TFDP2: variants seen among roughly 807,000 people sequenced by gnomAD.
TFDP2 encodes the protein transcription factor Dp-2.
TFDP2 carries 17 observed loss-of-function variants against 59.3 expected under a neutral mutation model. The ratio of observed to expected loss-of-function variants is 0.29; its 90% CI spans 0.20 to 0.43. TFDP2 has a LOEUF of 0.43. Among genes scored for constraint, TFDP2 ranks in the 20% least tolerant of loss-of-function variants. TFDP2 has a pLI of 1.00. For missense variants in TFDP2, 391 were observed against 528.8 expected (o/e 0.74, Z 2.56); for synonymous variants, 180 against 194.7 (o/e 0.92, Z 0.63).
chr3:142,020,219 G>A (rs1945477746), intron 3 of TFDP2, among the ~76,000 whole-genome samples: 1 of 152,036 alleles, frequency 6.6e-6, no homozygotes, highest in South Asian at 2.1e-4. Flanking sequence ...TGACTCAGGG[G>A]ATATCTATCA....
chr3:142,146,726 A>G (rs906304414), intron 1 of TFDP2, among the ~76,000 whole-genome samples: 1 of 152,202 alleles, frequency 6.6e-6, no homozygotes, highest in African/African-American at 2.4e-5. Context: ...TGGATGAACT[A>G]AACAAATCCA....
intron 3 of TFDP2, among the ~76,000 whole-genome samples, chr3:142,085,668 T>C (rs1289932628): frequency 6.6e-6 from 1 of 152,290 alleles, no homozygotes; most frequent in African/African-American, 2.4e-5. Flanking sequence ...CAAGGGAAGC[T>C]GGAAACAGTT....
At chr3:142,127,364 T>C (rs2062313686) in intron 1 of TFDP2, among the ~76,000 whole-genome samples, 1 of 147,548 alleles carries the variant, frequency 6.8e-6, no homozygotes, top group Admixed American at 7.0e-5. Context: ...TGCAGTGCAG[T>C]GGCAAGATCT....
chr3:141,989,263 C>T (rs568250852), intron 6 of TFDP2: 1 of 152,222 alleles, frequency 6.6e-6, no homozygotes, highest in South Asian at 2.1e-4. Context: ...GCTTGTTTTC[C>T]TAAGAAGGTT....
intron 3 of TFDP2, among the ~76,000 whole-genome samples, chr3:142,064,696 T>C (rs1306140491): frequency 2.0e-5 from 3 of 152,132 alleles, no homozygotes; most frequent in African/African-American, 7.2e-5. Flanking sequence ...AATACACAAG[T>C]GTCACTGGAT....
At chr3:141,991,289 G>A (rs903028815) in intron 6 of TFDP2, among the ~76,000 whole-genome samples, 3 of 151,930 alleles carry the variant, frequency 2.0e-5, no homozygotes, top group African/African-American at 4.8e-5. Flanking sequence ...GTATAGTATT[G>A]TATCTCAAGT....
At chr3:142,094,549 C>T (rs1051275231) in intron 2 of TFDP2, among the ~76,000 whole-genome samples, 4 of 152,036 alleles carry the variant, frequency 2.6e-5, no homozygotes, top group Admixed American at 2.0e-4. Flanking sequence ...AAGTGATCTG[C>T]CCACCGTAGC....
At chr3:141,956,829 G>T (rs12637444) in intron 11 of TFDP2, among the ~76,000 whole-genome samples, 94,466 of 150,464 alleles carry the variant, frequency 0.63, 30,494 homozygotes, top group East Asian at 0.74. Context: ...GGAGGCTGAG[G>T]TGGGTGGATC....
At chr3:142,001,499 G>A (rs559441132) in intron 4 of TFDP2, among the ~76,000 whole-genome samples, 1 of 152,170 alleles carries the variant, frequency 6.6e-6, no homozygotes, top group South Asian at 2.1e-4. Flanking sequence ...AATGCTATGG[G>A]TTTATTCTTC....
chr3:142,099,040 CAG>C (rs2061246942), intron 2 of TFDP2, among the ~76,000 whole-genome samples: 2 of 152,182 alleles, frequency 1.3e-5, no homozygotes, highest in African/African-American at 2.4e-5. Context: ...CTGTTGTCAT[CAG>C]AGACATGTAA....
intron 1 of TFDP2, among the ~76,000 whole-genome samples, chr3:142,142,600 C>A (rs1442800368): frequency 6.6e-6 from 1 of 152,152 alleles, no homozygotes; most frequent in Non-Finnish European, 1.5e-5. Flanking sequence ...ATAGAAAAAA[C>A]CATCCTAAGA....
intron 3 of TFDP2, among the ~76,000 whole-genome samples, chr3:142,051,601 T>C (rs748419798): frequency 2.0e-5 from 3 of 151,766 alleles, no homozygotes; most frequent in Non-Finnish European, 4.4e-5. Flanking sequence ...ACCACTGAGC[T>C]ACCAAGAGAG....
chr3:142,017,416 T>A (rs34280182), intron 3 of TFDP2, among the ~76,000 whole-genome samples: 24,680 of 152,144 alleles, frequency 0.16, 2,160 homozygotes, highest in Middle Eastern at 0.23. Context: ...GAGTGTACAG[T>A]GAAAACTGAG....
intron 3 of TFDP2, among the ~76,000 whole-genome samples, chr3:142,051,163 T>C (rs1027606557): frequency 2.6e-5 from 4 of 152,182 alleles, no homozygotes; most frequent in East Asian, 1.9e-4. Context: ...CTCCTGCGCA[T>C]TGCAGAATCT....
intron 3 of TFDP2, among the ~76,000 whole-genome samples, chr3:142,055,771 T>C (rs951065084): frequency 6.6e-6 from 1 of 152,086 alleles, no homozygotes; most frequent in Non-Finnish European, 1.5e-5. Flanking sequence ...AGCTTATATA[T>C]AAAGTGATAA....
At chr3:142,058,854 C>A (rs1576865124) in intron 3 of TFDP2, among the ~76,000 whole-genome samples, 1 of 152,190 alleles carries the variant, frequency 6.6e-6, no homozygotes, top group East Asian at 1.9e-4. Context: ...TAAATCATGG[C>A]CATTGGTAAT....
chr3:142,132,319 G>GTAAC (rs1167194082), intron 1 of TFDP2, among the ~76,000 whole-genome samples: 1 of 150,196 alleles, frequency 6.7e-6, no homozygotes, highest in Non-Finnish European at 1.5e-5. Context: ...GGGATGGGAA[G>GTAAC]TAACTGCTAA....
intron 3 of TFDP2, among the ~76,000 whole-genome samples, chr3:142,064,254 G>A (rs1560104204): frequency 2.0e-5 from 3 of 152,120 alleles, no homozygotes; most frequent in Admixed American, 2.0e-4. Flanking sequence ...AGTGCTTAAA[G>A]TATGGTCCAG....
At chr3:142,094,063 C>T in intron 2 of TFDP2, 1 of 357,482 alleles carries the variant, frequency 2.8e-6, no homozygotes, top group Non-Finnish European at 5.7e-6. Context: ...CTTGGCATCA[C>T]AGAGCTGAAT....
Sources: allele counts gnomAD v4.1 joint callset (sites outside exome capture counted in the v4.1 genomes callset), GRCh38; gene constraint gnomAD v4.1.1; transcripts MANE v1.5; gene names NCBI Gene and HGNC (gene_info 2026-07-23, HGNC 2026-07-21).